DOCK7: variants seen among roughly 807,000 people sequenced by gnomAD.
The protein encoded by DOCK7 is dedicator of cytokinesis protein 7.
DOCK7 carries 138 observed loss-of-function variants against 271.0 expected under a neutral mutation model. The ratio of observed to expected loss-of-function variants is 0.51; its 90% confidence interval spans 0.44 to 0.59. The LOEUF is 0.59. Ranked by LOEUF, DOCK7 falls within the 20% of genes least tolerant of loss-of-function variation. The pLI is 0.00. For missense variants in DOCK7, 2,066 were observed against 2,592.4 expected (o/e 0.80, Z 4.41); for synonymous variants, 823 against 876.1 (o/e 0.94, Z 1.07).
chr1:62,605,149 G>T, intron 14 of DOCK7: 2 of 232,394 alleles, frequency 8.6e-6, no homozygotes, highest in Non-Finnish European at 1.7e-5. Flanking sequence ...TATTTTAAAA[G>T]GCATCATATG....
chr1:62,592,207 C>T (rs1648552863), intron 14 of DOCK7, among the ~76,000 whole-genome samples: 1 of 152,082 alleles, frequency 6.6e-6, no homozygotes, highest in Admixed American at 6.5e-5. Context: ...TAAGTCTTTA[C>T]ATTGCATTTA....
chr1:62,687,207 T>A (rs1206502989), intron 1 of DOCK7, among the ~76,000 whole-genome samples: 2 of 152,206 alleles, frequency 1.3e-5, no homozygotes, highest in Non-Finnish European at 2.9e-5. Context: ...TTCACACAAA[T>A]ATGATTTTAT....
At chr1:62,658,347 G>A (rs183938793) in intron 2 of DOCK7, among the ~76,000 whole-genome samples, 157 of 151,074 alleles carry the variant, frequency 1.0e-3, no homozygotes, top group African/African-American at 3.7e-3. Flanking sequence ...CCAGCTACTC[G>A]GGAGGCTGCG....
chr1:62,598,834 C>A, intron 14 of DOCK7: 3 of 1,323,104 alleles, frequency 2.3e-6, no homozygotes, highest in South Asian at 1.2e-5. Context: ...TGGTATGTCC[C>A]ATCTTTCACA....
intron 26 of DOCK7, 28 bp downstream of exon 26, chr1:62,539,724 A>G: frequency 6.2e-7 from 1 of 1,611,386 alleles, no homozygotes; most frequent in Non-Finnish European, 8.5e-7. Flanking sequence ...CTTGAAAGAG[A>G]GATAAGTGGG....
chr1:62,556,100 A>C (rs1646133597), intron 20 of DOCK7, 111 bp from the exon 21 acceptor site: 1 of 1,064,128 alleles, frequency 9.4e-7, no homozygotes, highest in African/African-American at 1.6e-5. Flanking sequence ...GTGACTACAC[A>C]GTAAGTGTAT....
intron 4 of DOCK7, among the ~76,000 whole-genome samples, chr1:62,649,843 T>G (rs907262951): frequency 2.0e-5 from 3 of 152,210 alleles, no homozygotes; most frequent in Admixed American, 2.0e-4. Context: ...CCTTAGCATG[T>G]ATTGCTCTTC....
intron 42 of DOCK7, 163 bp downstream of exon 42, chr1:62,488,771 A>T: frequency 1.2e-6 from 1 of 856,986 alleles, no homozygotes; most frequent in Non-Finnish European, 1.9e-6. Flanking sequence ...TTTTATTGTT[A>T]ATGAGCTTTG....
intron 13 of DOCK7, 62 bp downstream of exon 13, chr1:62,619,838 G>T: frequency 2.0e-6 from 2 of 1,000,392 alleles, no homozygotes; most frequent in Non-Finnish European, 3.0e-6. Flanking sequence ...ATAATTATAA[G>T]CAATACAACA....
rs1168045 is a variant in DOCK7, at chr1:62,517,220, C to A, written c.3937-3322G>T. On this transcript the variant is annotated intron_variant, in intron 31 of 49. Transcript: ENST00000635253. Reference sequence around the variant, plus strand: ...CAGTCAAACCTTATGCCTTTTATTACCATTATGGCATGTTCCCCTAAATTT... The same window carrying A: ...CAGTCAAACCTTATGCCTTTTATTAACATTATGGCATGTTCCCCTAAATTT... Among the ~76,000 whole-genome samples the A allele has an allele frequency of 5.6e-3, 851 of 152,082 alleles. 54 individuals are homozygous for A. In the East Asian group the frequency reaches 0.13, roughly 23 times the overall value.
At chr1:62,553,385 TAATAGGCAGGTGCCA>T (rs1646021975) in intron 21 of DOCK7, among the ~76,000 whole-genome samples, 1 of 102,590 alleles carries the variant, frequency 9.7e-6, no homozygotes, top group African/African-American at 4.0e-5. Flanking sequence ...TTTTTTTTTT[TAATAGGCAGGTGCCA>T]TTTTTTTTTT....
At chr1:62,620,444 TATAA>T (rs1312213298) in intron 12 of DOCK7, among the ~76,000 whole-genome samples, 2 of 152,020 alleles carry the variant, frequency 1.3e-5, no homozygotes, top group Non-Finnish European at 2.9e-5. Flanking sequence ...AAATTATGAT[TATAA>T]ATATCATACC....
intron 41 of DOCK7, among the ~76,000 whole-genome samples, chr1:62,491,158 T>C (rs1646454323): frequency 6.6e-6 from 1 of 152,254 alleles, no homozygotes; most frequent in African/African-American, 2.4e-5. Flanking sequence ...AACTACTAAA[T>C]GGCAGAGCCA....
intron 28 of DOCK7, among the ~76,000 whole-genome samples, chr1:62,536,843 G>A (rs1214193348): frequency 6.6e-6 from 1 of 152,144 alleles, no homozygotes; most frequent in Admixed American, 6.5e-5. Flanking sequence ...TATTTCACTG[G>A]ACAAAGGAAA....
chr1:62,545,713 TTCA>T (rs1389811614), intron 22 of DOCK7, among the ~76,000 whole-genome samples: 3 of 152,256 alleles, frequency 2.0e-5, no homozygotes, highest in Non-Finnish European at 2.9e-5. Flanking sequence ...GAATTATATC[TTCA>T]TCATCATCTT....
chr1:62,524,432 T>C (rs1009362652), intron 31 of DOCK7, among the ~76,000 whole-genome samples: 22 of 152,148 alleles, frequency 1.4e-4, no homozygotes, highest in African/African-American at 4.6e-4. Flanking sequence ...GTCTGCAAAA[T>C]TGTTATTTGC....
intron 14 of DOCK7, chr1:62,604,790 T>C: frequency 1.2e-6 from 2 of 1,613,000 alleles, no homozygotes; most frequent in South Asian, 2.2e-5. Flanking sequence ...TGTTGATCCA[T>C]CCAACAGATT....
At chr1:62,566,056 C>A (rs557121978) in intron 18 of DOCK7, among the ~76,000 whole-genome samples, 2 of 152,228 alleles carry the variant, frequency 1.3e-5, no homozygotes, top group South Asian at 4.2e-4. Flanking sequence ...TAAGAAAGGA[C>A]ACAAATAAAT....
At chr1:62,494,532 G>A (rs1646562761) in intron 39 of DOCK7, 65 bp from the exon 40 acceptor site, 21 of 1,452,236 alleles carry the variant, frequency 1.4e-5, no homozygotes, top group Non-Finnish European at 1.5e-5. Flanking sequence ...AGTTTAGATA[G>A]CTCGCTCAGA....
Sources: gnomAD v4.1 joint callset for allele counts (sites outside exome capture counted in the v4.1 genomes callset) on GRCh38, gnomAD v4.1.1 for gene constraint, MANE v1.5 for transcripts, NCBI Gene and HGNC (gene_info 2026-07-23, HGNC 2026-07-21) for gene names.